Variants in FOXM1 observed in about 807,000 individuals in gnomAD.
FOXM1 encodes forkhead box protein M1.
Under a neutral mutation model 63.6 loss-of-function variants are expected in FOXM1, and 25 were observed. That is an observed-to-expected ratio of 0.39 (90% CI 0.29 to 0.55). The LOEUF (loss-of-function observed/expected upper bound fraction) is 0.55, where lower values mean the gene tolerates loss of function less well. Ranked by LOEUF, FOXM1 falls within the 20% of genes least tolerant of loss-of-function variation. The pLI, the probability that FOXM1 is intolerant of heterozygous loss-of-function variation, is 0.60. For synonymous variants in FOXM1, 387 were observed against 376.9 expected, an observed-to-expected ratio of 1.03 and a Z score of -0.31; for missense variants, 879 against 958.7, an observed-to-expected ratio of 0.92 and a Z score of 1.10.
At chr12:2,865,464 ACCGGATTGGG>A in intron 5 of FOXM1, 65 bp from the exon 6 acceptor site, 1 of 1,384,644 alleles carries the variant, frequency 7.2e-7, no homozygotes, top group Admixed American at 1.8e-5. Flanking sequence ...GGTCAATTTG[ACCGGATTGGG>A]AAAAACACTT....
Position 2,858,811 on chromosome 12 carries a change from G to A in FOXM1, c.2119C>T (p.Pro707Ser). The A allele has an allele frequency of 6.2e-7, 1 of 1,614,204 alleles. No individual in the cohort carries two copies. Among genetic ancestry groups the A allele is most frequent in the Non-Finnish European group, 8.5e-7 (1 of 1,180,028 alleles). Reference sequence around the variant, plus strand: ...TTGGCTGCAAGGCCAGAAACCTGTGGCTCCGGGGAGCCTGGCTTGGGGACG... The same window carrying A: ...TTGGCTGCAAGGCCAGAAACCTGTGACTCCGGGGAGCCTGGCTTGGGGACG... ...IDVPKPGSPE[P>S]QVSGLAANRS... Residue 707 changes from proline (P) to serine (S), a missense_variant, in exon 9 of 9, where the codon CCA becomes TCA. Transcript: ENST00000359843.
At chr12:2,873,054 T>C (rs936273136) in intron 2 of FOXM1, among the ~76,000 whole-genome samples, 1 of 151,946 alleles carries the variant, frequency 6.6e-6, no homozygotes, top group Middle Eastern at 3.2e-3. Flanking sequence ...ACCGCATCTC[T>C]AAAGAAAAAG....
Position 2,859,232 on chromosome 12 carries a change from G to A in FOXM1, c.1698C>T (p.Pro566=), listed in dbSNP as rs2098102327. 1 of 1,613,446 alleles carries A rather than the reference G, an allele frequency of 6.2e-7. No homozygotes were observed. The highest frequency in any genetic ancestry group is 1.7e-5 in the Admixed American group (1 of 59,994). The change falls in exon 9 of 9, where the codon CCC becomes CCT. Residue 566 remains proline (P), a synonymous_variant. Coordinates refer to ENST00000359843, the MANE Select transcript of FOXM1 (RefSeq NM_021953.4). ...DEPELLFSEG[P]STSRWAAELP... is the part of the protein sequence containing the mutation. The stretch of plus-strand genomic sequence containing the variant: ...GCTCTGCGGCCCAGCGGGAAGTACT[G>A]GGCCCCTCTGAGAAGAGCAGCTCCG...
Position 2,864,405 on chromosome 12 carries a change from G to A in FOXM1, c.1181C>T (p.Ser394Leu), listed in dbSNP as rs552947229. 26 of 1,614,174 alleles carry A rather than the reference G, an allele frequency of 1.6e-5. No individual in the cohort carries two copies. The highest frequency in any genetic ancestry group is 9.9e-5 in the South Asian group (9 of 91,086). ...PVNQSLVLQPSVKVPLPLAAS... is the reference protein window; with the variant it reads ...PVNQSLVLQPLVKVPLPLAAS... ...CGCCAGGGGCAATGGCACCTTCACC[G>A]AGGGCTGCAACACCAGTGACTGGTT... Residue 394 changes from serine (S) to leucine (L), a missense_variant, in exon 8 of 9, where the codon TCG becomes TTG. Ser to Leu is a moderately radical substitution (Grantham distance 145). Coordinates refer to ENST00000359843, the MANE Select transcript of FOXM1 (RefSeq NM_021953.4). This position sits in a 1 kb window ranked among gnomAD's most constrained non-coding sequence, Gnocchi z 5.1.
At chr12:2,870,820 G>A (rs796566917) in intron 3 of FOXM1, among the ~76,000 whole-genome samples, 21 of 152,048 alleles carry the variant, frequency 1.4e-4, no homozygotes, top group East Asian at 3.9e-4. Context: ...TTAGCCGGGC[G>A]TGGCAGCGGG....
At chr12:2,869,564 T>G (rs1298524834) in intron 3 of FOXM1, among the ~76,000 whole-genome samples, 2 of 151,796 alleles carry the variant, frequency 1.3e-5, no homozygotes, top group Non-Finnish European at 2.9e-5. Flanking sequence ...GCCTCCCAAG[T>G]AGCTGAGATT....
rs771375590 is a variant in FOXM1 at position 2,864,769 on chromosome 12, G to A, written c.1021-17C>T. 1 of 1,613,778 alleles carries A rather than the reference G, an allele frequency of 6.2e-7. No individual in the cohort carries two copies. The highest frequency in any genetic ancestry group is 2.2e-5 in the East Asian group (1 of 44,876). On this transcript the variant is annotated splice_polypyrimidine_tract_variant and intron_variant, in intron 6 of 8. Transcript: ENST00000359843. The surrounding 1 kb of genome is among the most constrained non-coding windows in gnomAD (Gnocchi z 5.1). ...TTTCTGCTGCTGCTTGTGGCAGATG[G>A]GGAGAGAAAGAAACCTATGTTAACA...
intron 3 of FOXM1, among the ~76,000 whole-genome samples, chr12:2,871,077 A>G (rs755455151): frequency 6.6e-6 from 1 of 151,884 alleles, no homozygotes; most frequent in Non-Finnish European, 1.5e-5. Flanking sequence ...AGGGGGAGAC[A>G]GAAAAACTAC....
Position 2,864,399 on chromosome 12 carries a change from T to C in FOXM1, c.1187A>G (p.Lys396Arg), listed in dbSNP as rs1398895279. 2 of 1,614,146 alleles carry C rather than the reference T, an allele frequency of 1.2e-6. No individual in the cohort carries two copies. Among genetic ancestry groups the C allele is most frequent in the East Asian group, 2.2e-5 (1 of 44,876 alleles). Reference sequence around the variant, plus strand: ...GGAAGCCGCCAGGGGCAATGGCACCTTCACCGAGGGCTGCAACACCAGTGA... The same window carrying C: ...GGAAGCCGCCAGGGGCAATGGCACCCTCACCGAGGGCTGCAACACCAGTGA... ...NQSLVLQPSVKVPLPLAASLM... is the reference protein window; with the variant it reads ...NQSLVLQPSVRVPLPLAASLM... Residue 396 changes from lysine to arginine, a missense_variant, in exon 8 of 9, where the codon AAG becomes AGG. This residue lies in a region of FOXM1 where 486 missense variants were observed against 453.5 expected (regional missense o/e 1.07). Coordinates refer to ENST00000359843, the MANE Select transcript of FOXM1 (RefSeq NM_021953.4). This position sits in a 1 kb window ranked among gnomAD's most constrained non-coding sequence, Gnocchi z 5.1.
At chr12:2,863,288 C>G (rs2098117250) in intron 8 of FOXM1, among the ~76,000 whole-genome samples, 1 of 152,226 alleles carries the variant, frequency 6.6e-6, no homozygotes, top group South Asian at 2.1e-4. Context: ...GTTAGTCTGA[C>G]CCAGTCACTT....
At chr12:2,863,241 C>G (rs1177429718) in intron 8 of FOXM1, among the ~76,000 whole-genome samples, 2 of 152,184 alleles carry the variant, frequency 1.3e-5, no homozygotes, top group Non-Finnish European at 2.9e-5. Flanking sequence ...AAAGAATTCT[C>G]CAGCTGTCAA....
intron 8 of FOXM1, chr12:2,861,298 C>G (rs1335735844): frequency 1.4e-6 from 1 of 729,356 alleles, no homozygotes; most frequent in South Asian, 1.6e-5. Context: ...CTCAGACTTA[C>G]TGATAAACAA....
chr12:2,859,358 G>T lies in FOXM1; in HGVS notation c.1572C>A (p.Thr524=), dbSNP rs771185980. 1 of 1,613,912 alleles carries T rather than the reference G, an allele frequency of 6.2e-7. No individual in the cohort carries two copies. Among genetic ancestry groups the T allele is most frequent in the Non-Finnish European group, 8.5e-7 (1 of 1,180,014 alleles). ...TCACAAGCATTTCCGAGACACACCG[G>T]GTTGGGGACCTAAGCCCACTGTAGG... ...KKSYSGLRSP[T]RCVSEMLVIQ... The change falls in exon 9 of 9, where the codon ACC becomes ACA. Residue 524 remains threonine, a synonymous_variant. Transcript: ENST00000359843.
At position 2,858,752 on chromosome 12, in the gene FOXM1, T is replaced by G; in HGVS notation, c.2178A>C (p.Thr726=). 6.2e-7 allele frequency: 1 copy of G among 1,614,190 alleles called. No homozygotes were observed. The change falls in exon 9 of 9, where the codon ACA becomes ACC. Residue 726 remains threonine (T), a synonymous_variant. Coordinates refer to ENST00000359843, the MANE Select transcript of FOXM1 (RefSeq NM_021953.4). ...GGATCTTGCTGAGGCTGTCATTCAT[T>G]GTGTCCAGGACCAGGCCTTCTGTCA... ...RSLTEGLVLD[T]MNDSLSKILL...
chr12:2,869,737 AT>A (rs57611486), intron 3 of FOXM1, among the ~76,000 whole-genome samples: 2,125 of 130,222 alleles, frequency 0.016, 41 homozygotes, highest in African/African-American at 0.045. Flanking sequence ...GCGCCTGGCG[AT>A]TTTTTTTTTT....
At chr12:2,861,265 T>C in intron 8 of FOXM1, 2 of 714,016 alleles carry the variant, frequency 2.8e-6, no homozygotes, top group Non-Finnish European at 5.0e-6. Flanking sequence ...CAATTCCAAG[T>C]CACCAAACAT....
Position 2,872,347 on chromosome 12 carries a change from C to T in FOXM1, c.503-100G>A. 13 of 1,250,834 alleles carry T rather than the reference C, an allele frequency of 1.0e-5. No individual in the cohort carries two copies. Among genetic ancestry groups the T allele is most frequent in the Non-Finnish European group, 1.4e-5 (12 of 876,464 alleles). 77.5% of individuals were successfully genotyped at this position (1,250,834 alleles called of 1,614,324 possible). ...CTAGCAGGCCGGGTGCAGTGGCTCA[C>T]ACCTGTAATCCTAGCACTTTGGGAG... On this transcript the variant is annotated intron_variant, in intron 2 of 8. Coordinates refer to ENST00000359843, the MANE Select transcript of FOXM1 (RefSeq NM_021953.4). The surrounding 1 kb of genome is among the most constrained non-coding windows in gnomAD (Gnocchi z 4.0).
chr12:2,869,960 TTTAC>T (rs895548222), intron 3 of FOXM1, among the ~76,000 whole-genome samples: 1 of 152,042 alleles, frequency 6.6e-6, no homozygotes, highest in Admixed American at 6.6e-5. Flanking sequence ...ACAATTAATA[TTTAC>T]TTACATATAC....
intron 8 of FOXM1, among the ~76,000 whole-genome samples, chr12:2,860,898 G>C (rs530081973): frequency 4.7e-5 from 7 of 150,390 alleles, no homozygotes; most frequent in Admixed American, 1.3e-4. Flanking sequence ...GCTGGGCGTG[G>C]TGGCTTATGC....
Sources: allele counts gnomAD v4.1 joint callset (sites outside exome capture counted in the v4.1 genomes callset), GRCh38; gene constraint gnomAD v4.1.1; regional missense constraint gnomAD v4.1.1; non-coding constraint Gnocchi (gnomAD v3.1); transcripts MANE v1.5; gene names NCBI Gene and HGNC (gene_info 2026-07-23, HGNC 2026-07-21).